PRAMEF33: variants seen among roughly 807,000 people sequenced by gnomAD.
The protein encoded by PRAMEF33 is PRAME family member 10-like.
In PRAMEF33, 5 loss-of-function variants were observed where a neutral mutation model predicts 28.1. The observed-to-expected ratio is 0.18, with a 90% CI of 0.09 to 0.37. The LOEUF is 0.37. Ranked by LOEUF, PRAMEF33 falls within the 10% of genes least tolerant of loss-of-function variation. PRAMEF33 has a pLI of 1.00. For synonymous variants in PRAMEF33, 28 were observed against 183.2 expected (o/e 0.15, Z 6.84); for missense variants, 62 against 471.1 (o/e 0.13, Z 8.04).
rs1276850346 is a variant in PRAMEF33, at chr1:13,306,631, C to T, written c.288-7C>T. The T allele has an allele frequency of 1.8e-6, 2 of 1,115,166 alleles. No individual in the cohort carries two copies. Among genetic ancestry groups the T allele is most frequent in the Non-Finnish European group, 2.6e-6 (2 of 764,404 alleles). The allele number at this position is 1,115,166 out of a possible 1,614,324, so 69.1% of individuals were successfully genotyped here. On this transcript the variant is annotated splice_polypyrimidine_tract_variant and splice_region_variant and intron_variant, in intron 2 of 3. Coordinates refer to ENST00000437300, the MANE Select transcript of PRAMEF33 (RefSeq NM_001291381.1). ...CATTCTGAGCTTTTCCCCTATGTTA[C>T]TCATAGGAGGTGGAAACTTCAAGTG...
rs1406540018 is a variant in PRAMEF33 at position 13,308,901 on chromosome 1, C to T, written c.*14C>T. On this transcript the variant is annotated 3_prime_UTR_variant, in exon 4 of 4. Coordinates refer to ENST00000437300, the MANE Select transcript of PRAMEF33 (RefSeq NM_001291381.1). The stretch of plus-strand genomic sequence containing the variant: ...CTTTGCTCCTAGGGAAGGCCTGGTT[C>T]GTGGGATGGATAAGCTTTTTTCTGG... 2.3e-5 allele frequency: 37 copies of T among 1,591,674 alleles called. No homozygotes were observed. The highest frequency in any genetic ancestry group is 8.5e-5 in the Admixed American group (5 of 59,046).
At chr1:13,306,566 T>A in intron 2 of PRAMEF33, 72 bp from the exon 3 acceptor site, 1 of 667,618 alleles carries the variant, frequency 1.5e-6, no homozygotes, top group East Asian at 2.7e-5. Flanking sequence ...ATGTCCTGGA[T>A]GTGGAGTGAA....
chr1:13,305,743 T>C (rs1413568443), intron 1 of PRAMEF33, 187 bp from the exon 2 acceptor site: 1 of 579,470 alleles, frequency 1.7e-6, no homozygotes, highest in African/African-American at 2.2e-5. Flanking sequence ...CTTTAGAGGT[T>C]GGGACACACT....
chr1:13,304,066 T>G (rs1252599023), intron 1 of PRAMEF33: 8 of 151,146 alleles, frequency 5.3e-5, no homozygotes, highest in Non-Finnish European at 1.0e-4. Flanking sequence ...TATCTGGTAT[T>G]ACATCCAACT....
In PRAMEF33 at chr1:13,308,816, T is replaced by G; in HGVS notation, c.1354T>G (p.Phe452Val). The G allele has an allele frequency of 1.2e-6, 2 of 1,602,456 alleles. No individual in the cohort carries two copies. The highest frequency in any genetic ancestry group is 1.7e-6 in the Non-Finnish European group (2 of 1,175,294). ...AGTCAGGCAGCCCAAGAGGATCTTC[T>G]TTGGTCCCGTCCCTTGCCCTACCTG... ...REVRQPKRIF[F>V]GPVPCPTCGS... The change falls in exon 4 of 4, where the codon TTT (phenylalanine) becomes GTT (valine). Residue 452 changes from phenylalanine (F) to valine (V), a missense_variant. Phe to Val is a conservative substitution (Grantham distance 50). Transcript: ENST00000437300.
At chr1:13,306,479 TACCAGGCAGA>T (rs1639865098) in intron 2 of PRAMEF33, 149 bp from the exon 3 acceptor site, 1 of 530,202 alleles carries the variant, frequency 1.9e-6, no homozygotes, top group African/African-American at 2.1e-5. Context: ...TAGAAGTGGG[TACCAGGCAGA>T]ATCCAAGAGG....
intron 1 of PRAMEF33, chr1:13,305,680 G>A: frequency 2.0e-6 from 1 of 492,988 alleles, no homozygotes; most frequent in Non-Finnish European, 3.5e-6. Context: ...AGTGCTATGA[G>A]TTTATTGCAA....
chr1:13,308,849 T>C lies in PRAMEF33; in HGVS notation c.1387T>C (p.Trp463Arg). The C allele has an allele frequency of 6.2e-7, 1 of 1,605,216 alleles. No homozygotes were observed. Among genetic ancestry groups the C allele is most frequent in the Non-Finnish European group, 8.5e-7 (1 of 1,176,312 alleles). ...GPVPCPTCGS[W>R]PSEKVDFHLC... ...CGTCCCTTGCCCTACCTGTGGCTCA[T>C]GGCCATCTGAGAAAGTGGACTTCCA... Residue 463 changes from tryptophan (W) to arginine (R), a missense_variant, in exon 4 of 4, where the codon TGG becomes CGG. By Grantham distance (101) the Trp-to-Arg change is moderately radical. Transcript: ENST00000437300.
At chr1:13,304,326 C>A (rs1240972988) in intron 1 of PRAMEF33, 2 of 146,278 alleles carry the variant, frequency 1.4e-5, no homozygotes, top group East Asian at 3.9e-4. Context: ...ACAATTGAGC[C>A]CAGAAGATTG....
Position 13,308,881 on chromosome 1 carries a change from C to G in PRAMEF33, c.1419C>G (p.Cys473Trp), listed in dbSNP as rs1198820735. The change falls in exon 4 of 4, where the codon TGC (cysteine) becomes TGG (tryptophan). Residue 473 changes from cysteine (C) to tryptophan (W), a missense_variant. Cys to Trp is a radical substitution (Grantham distance 215, BLOSUM62 -2). Coordinates refer to ENST00000437300, the MANE Select transcript of PRAMEF33 (RefSeq NM_001291381.1). ...CTGAGAAAGTGGACTTCCATCTTTG[C>G]TCCTAGGGAAGGCCTGGTTCGTGGG... Reference protein sequence around the residue: ...WPSEKVDFHLCS With the variant: ...WPSEKVDFHLWS The G allele has an allele frequency of 6.2e-7, 1 of 1,604,888 alleles. No homozygotes were observed. Among genetic ancestry groups the G allele is most frequent in the East Asian group, 2.2e-5 (1 of 44,756 alleles).
Position 13,306,770 on chromosome 1 carries a change from G to A in PRAMEF33, c.420G>A (p.Arg140=). Residue 140 remains arginine, a synonymous_variant, in exon 3 of 4, where the codon AGG becomes AGA. Coordinates refer to ENST00000437300, the MANE Select transcript of PRAMEF33 (RefSeq NM_001291381.1). The part of the protein sequence containing the change: ...SKRQTVEDCP[R]MGEHQPLKVF... ...GGCAGACAGTGGAGGACTGTCCAAG[G>A]ATGGGAGAGCACCAGCCCTTGAAGG... is the stretch of plus-strand genomic sequence containing the variant. 2.8e-6 allele frequency: 4 copies of A among 1,417,120 alleles called. 1 individual carries two copies. Among genetic ancestry groups the A allele is most frequent in the Non-Finnish European group, 1.9e-6 (2 of 1,036,818 alleles). The allele number at this position is 1,417,120 out of a possible 1,614,324, so 87.8% of individuals were successfully genotyped here. A position where few individuals can be genotyped will look rare whatever the true frequency, so the allele number is the denominator to read the frequency against.
In PRAMEF33 at chr1:13,304,289, A is replaced by C. The variant is rs1215333194; in HGVS notation, c.-26+703A>C. The stretch of plus-strand genomic sequence containing the variant: ...ATGGTAGCATGCATCTGTCTTCCCA[A>C]CTGTATGGGTTGCTGACATGGGAGA... On this transcript the variant is annotated intron_variant, in intron 1 of 3. Transcript: ENST00000437300. 20 of 147,502 alleles carry C rather than the reference A, an allele frequency of 1.4e-4. 2 individuals are homozygous for C. The highest frequency in any genetic ancestry group is 3.0e-4 in the Non-Finnish European group (20 of 66,950). The allele number at this position is 147,502 out of a possible 1,614,324, so 9.1% of individuals were successfully genotyped here. A position where few individuals can be genotyped will look rare whatever the true frequency, so the allele number is the denominator to read the frequency against.
rs1639854726 is a variant in PRAMEF33 at position 13,305,937 on chromosome 1, C to CA, written c.-18_-17insA. 1 of 1,610,288 alleles carries CA rather than the reference C, an allele frequency of 6.2e-7. No individual in the cohort carries two copies. Among genetic ancestry groups the CA allele is most frequent in the African/African-American group, 1.3e-5 (1 of 74,862 alleles). ...CACTTGATTGTCCTCTAGAGTTTTT[C>CA]CTCGGAGATTTGTCAGAATGAGCCT... On this transcript the variant is annotated 5_prime_UTR_variant, in exon 2 of 4. Transcript: ENST00000437300.
In PRAMEF33 at chr1:13,305,933, T is replaced by A. The variant is rs2100291935; in HGVS notation, c.-22T>A. The A allele has an allele frequency of 1.2e-6, 2 of 1,610,378 alleles. No homozygotes were observed. Among genetic ancestry groups the A allele is most frequent in the South Asian group, 2.2e-5 (2 of 90,868 alleles). ...TTTTCACTTGATTGTCCTCTAGAGT[T>A]TTTCCTCGGAGATTTGTCAGAATGA... On this transcript the variant is annotated 5_prime_UTR_variant, in exon 2 of 4. Coordinates refer to ENST00000437300, the MANE Select transcript of PRAMEF33 (RefSeq NM_001291381.1).
intron 1 of PRAMEF33, chr1:13,304,315 A>T (rs1639837139): frequency 1.4e-5 from 2 of 147,070 alleles, no homozygotes; most frequent in Non-Finnish European, 3.0e-5. Flanking sequence ...ACATGGGAGA[A>T]ACAATTGAGC....
rs566538493 is a variant in PRAMEF33, at chr1:13,308,410, C to T, written c.948C>T (p.Tyr316=). 2 of 1,225,458 alleles carry T rather than the reference C, an allele frequency of 1.6e-6. No homozygotes were observed. Among genetic ancestry groups the T allele is most frequent in the South Asian group, 1.2e-5 (1 of 82,154 alleles). The allele number at this position is 1,225,458 out of a possible 1,614,324, so 75.9% of individuals were successfully genotyped here. The change falls in exon 4 of 4, where the codon TAC becomes TAT. Residue 316 remains tyrosine, a synonymous_variant. Coordinates refer to ENST00000437300, the MANE Select transcript of PRAMEF33 (RefSeq NM_001291381.1). ...ADRDMECLSQ[Y]PSLSQLKELR... ...GGGACATGGAGTGTCTGTCTCAGTA[C>T]CCAAGCCTCAGTCAGCTAAAGGAGC... is the stretch of plus-strand genomic sequence containing the variant.
Position 13,307,036 on chromosome 1 carries a change from G to T in PRAMEF33, c.686G>T (p.Ser229Ile). Reference sequence around the variant, plus strand: ...ACGGGAAAGTTTGCCCCTTACCTGAGCCAGATGAGCAATCTTCGTGAACTC... The same window carrying T: ...ACGGGAAAGTTTGCCCCTTACCTGATCCAGATGAGCAATCTTCGTGAACTC... ...NKTGKFAPYL[S>I]QMSNLRELFL... is the part of the protein sequence containing the mutation. Residue 229 changes from serine (S) to isoleucine (I), a missense_variant, in exon 3 of 4, where the codon AGC becomes ATC. Ser to Ile is a moderately radical substitution (Grantham distance 142). Coordinates refer to ENST00000437300, the MANE Select transcript of PRAMEF33 (RefSeq NM_001291381.1). The T allele has an allele frequency of 1.7e-6, 1 of 594,506 alleles. No homozygotes were observed. The allele number at this position is 594,506 out of a possible 1,614,324, so 36.8% of individuals were successfully genotyped here.
In PRAMEF33 at chr1:13,306,690, A is replaced by G; in HGVS notation, c.340A>G (p.Thr114Ala). Residue 114 changes from threonine (T) to alanine (A), a missense_variant, in exon 3 of 4, where the codon ACC (threonine) becomes GCC (alanine). Physicochemically the swap from Thr to Ala is moderately conservative, Grantham distance 58 (BLOSUM62 0). Transcript: ENST00000437300. The stretch of plus-strand genomic sequence containing the variant: ...GCAGGATGTTGATGAGAATTTCTGG[A>G]CCATATGGTCTGGAGCCAGGGTCCT... The part of the protein sequence containing the change: ...DLQDVDENFW[T>A]IWSGARVLSC... 8.0e-7 allele frequency: 1 copy of G among 1,242,526 alleles called. No individual in the cohort carries two copies. Among genetic ancestry groups the G allele is most frequent in the Non-Finnish European group, 1.1e-6 (1 of 877,336 alleles). The allele number at this position is 1,242,526 out of a possible 1,614,324, so 77.0% of individuals were successfully genotyped here.
chr1:13,305,816 A>G (rs1639852613), intron 1 of PRAMEF33, 114 bp from the exon 2 acceptor site: 3 of 600,386 alleles, frequency 5.0e-6, no homozygotes, highest in Non-Finnish European at 9.0e-6. Context: ...ACGGAATTGG[A>G]GTAAACTGAG....
Sources: gnomAD v4.1 joint callset for allele counts on GRCh38, gnomAD v4.1.1 for gene constraint, MANE v1.5 for transcripts, NCBI Gene and HGNC (gene_info 2026-07-23, HGNC 2026-07-21) for gene names.